PHF8: variants seen among roughly 807,000 people sequenced by gnomAD.
The protein encoded by PHF8 is PHD finger protein 8.
In PHF8, 9 loss-of-function variants were observed where a neutral mutation model predicts 74.4. The observed-to-expected ratio is 0.12, with a 90% CI of 0.07 to 0.21. The LOEUF (loss-of-function observed/expected upper bound fraction) is 0.21. Ranked by LOEUF, PHF8 falls within the 10% of genes least tolerant of loss-of-function variation. The probability of loss-of-function intolerance (pLI) is 1.00; values close to 1 mark genes in which losing one functional copy is unlikely to be tolerated. For synonymous variants in PHF8, 311 were observed against 316.6 expected (o/e 0.98, Z 0.19); for missense variants, 478 against 816.6 (o/e 0.59, Z 5.05).
At chrX:54,015,646 C>T (rs782219356) in intron 6 of PHF8, among the ~76,000 whole-genome samples, 1 of 108,156 alleles carries the variant, frequency 9.2e-6, no homozygotes, top group Admixed American at 1.0e-4. Context: ...TAATACGTTA[C>T]CATTGAGGGA....
intron 14 of PHF8, among the ~76,000 whole-genome samples, chrX:53,992,494 G>T (rs1250996879): frequency 8.9e-5 from 10 of 111,782 alleles, no homozygotes; most frequent in African/African-American, 2.9e-4. Context: ...GAAGTTTCTA[G>T]AACTGATAAA....
chrX:54,009,844 G>GA lies in PHF8; in HGVS notation c.946+1277dup, dbSNP rs782363250. Among the ~76,000 whole-genome samples the GA allele has an allele frequency of 9.1e-3, 85 of 9,384 alleles. 31 individuals are homozygous for GA. Among genetic ancestry groups the GA allele is most frequent in the Admixed American group, 0.028 (10 of 358 alleles). 8.1% of individuals were successfully genotyped at this position (9,384 alleles called of 115,157 possible). ...GGTGACAGAGTGAGACTCTGTCTCA[G>GA]AAAAAAAAAAAAAAAAAAAAAAAAA... is the stretch of plus-strand genomic sequence containing the variant. On this transcript the variant is annotated intron_variant, in intron 8 of 21. Transcript: ENST00000338154.
chrX:53,939,433 C>T (rs1266469930), intron 21 of PHF8, among the ~76,000 whole-genome samples, 187 bp from the exon 22 acceptor site: 2 of 111,620 alleles, frequency 1.8e-5, no homozygotes, highest in African/African-American at 6.5e-5. Flanking sequence ...TTTGACTCTT[C>T]CTCCTATGAC....
At chrX:54,032,826 A>C (rs1557112954) in intron 2 of PHF8, among the ~76,000 whole-genome samples, 1 of 110,262 alleles carries the variant, frequency 9.1e-6, no homozygotes, top group East Asian at 2.9e-4. Context: ...TGTATTCTAC[A>C]GTGAAAGTAG....
chrX:53,998,509 A>C (rs1181160116), intron 11 of PHF8, among the ~76,000 whole-genome samples: 11 of 111,041 alleles, frequency 9.9e-5, no homozygotes, highest in Admixed American at 6.7e-4. Context: ...GAAAAGCTTC[A>C]TTCCTACCCT....
chrX:53,938,164 C>T lies in PHF8; in HGVS notation c.*994G>A, dbSNP rs2064695161. On this transcript the variant is annotated 3_prime_UTR_variant, in exon 22 of 22. Transcript: ENST00000338154. ...CATGAAAAGTTCCCGATGGAGGACC[C>T]AGGTGTGGGCCGTCCCGCCACACCC... 2 of 1,107,620 alleles carry T rather than the reference C, an allele frequency of 1.8e-6. No individual in the cohort carries two copies. The highest frequency in any genetic ancestry group is 2.9e-5 in the Admixed American group (1 of 34,015). The allele number at this position is 1,107,620 out of a possible 1,213,427, so 91.3% of individuals were successfully genotyped here.
Position 53,984,429 on chromosome X carries a change from G to C in PHF8, c.2443+485C>G, listed in dbSNP as rs782648620. Among the ~76,000 whole-genome samples the C allele has an allele frequency of 1.6e-4, 18 of 111,750 alleles. No individual in the cohort carries two copies. The Middle Eastern group carries it at 0.023, about 143-fold the overall frequency. ...TTATACAGTCACCTGTATTACACAA[G>C]AGTGCCTGATACACTGTGGTACTCA... On this transcript the variant is annotated intron_variant, in intron 18 of 21. Transcript: ENST00000338154.
chrX:54,013,220 T>A (rs1269676290), intron 7 of PHF8, among the ~76,000 whole-genome samples: 1 of 111,945 alleles, frequency 8.9e-6, no homozygotes, highest in Non-Finnish European at 1.9e-5. Context: ...CAAAAATCCT[T>A]CATAGTCACT....
chrX:53,999,200 C>T (rs781799167), intron 11 of PHF8, among the ~76,000 whole-genome samples: 1 of 111,674 alleles, frequency 9.0e-6, no homozygotes, highest in East Asian at 2.8e-4. Flanking sequence ...CCACCCGGGA[C>T]AGCAAGACCA....
At chrX:53,952,901 A>T (rs1161441020) in intron 19 of PHF8, among the ~76,000 whole-genome samples, 1 of 108,901 alleles carries the variant, frequency 9.2e-6, no homozygotes. Flanking sequence ...AAAAAAAAAA[A>T]AAGAAAGAAA....
intron 2 of PHF8, among the ~76,000 whole-genome samples, chrX:54,036,102 C>CAAAAAAAAAAAA (rs1159910510): frequency 4.2e-4 from 11 of 26,059 alleles, no homozygotes; most frequent in Non-Finnish European, 5.4e-4. Flanking sequence ...AACTCCATCT[C>CAAAAAAAAAAAA]AAAAAAAAAA....
At chrX:54,008,371 C>CA (rs34539175) in intron 8 of PHF8, among the ~76,000 whole-genome samples, 12,725 of 36,063 alleles carry the variant, frequency 0.35, 2,198 homozygotes, top group Non-Finnish European at 0.42. Flanking sequence ...AATACTCCGT[C>CA]AAAAAAAAAA....
In PHF8 at chrX:54,000,004, C is replaced by A. The variant is rs371723726; in HGVS notation, c.1142-43G>T. On this transcript the variant is annotated intron_variant, in intron 10 of 21. Coordinates refer to ENST00000338154, the MANE Select transcript of PHF8 (RefSeq NM_015107.3). Reference sequence around the variant, plus strand: ...AAAGCAGAGTGTCAACAAAGCCATGCAGGAAAGTGAAGGACTTGGGACTTT... The same window carrying A: ...AAAGCAGAGTGTCAACAAAGCCATGAAGGAAAGTGAAGGACTTGGGACTTT... 36 of 882,533 alleles carry A rather than the reference C, an allele frequency of 4.1e-5. No homozygotes were observed. In the African/African-American group the frequency reaches 4.5e-4, roughly 11 times the overall value. 72.7% of individuals were successfully genotyped at this position (882,533 alleles called of 1,213,427 possible).
chrX:53,987,314 G>T, intron 15 of PHF8, 151 bp from the exon 16 acceptor site: 1 of 465,583 alleles, frequency 2.1e-6, no homozygotes, highest in Admixed American at 3.4e-5. Context: ...TAAATCTTTA[G>T]AACAAAGGAA....
At chrX:53,964,758 TCAGGAGGCTGACG>T (rs1557091955) in intron 18 of PHF8, among the ~76,000 whole-genome samples, 3 of 107,067 alleles carry the variant, frequency 2.8e-5, no homozygotes, top group African/African-American at 1.0e-4. Context: ...TCCCAGCTAC[TCAGGAGGCTGACG>T]CAGGAGAATC....
chrX:53,960,985 A>C (rs1432462162), intron 19 of PHF8, among the ~76,000 whole-genome samples: 3 of 110,570 alleles, frequency 2.7e-5, no homozygotes, highest in African/African-American at 9.8e-5. Context: ...ATAAACCTGG[A>C]AATGATAGAA....
chrX:54,005,621 T>A (rs1375582513), intron 8 of PHF8, among the ~76,000 whole-genome samples: 8 of 87,181 alleles, frequency 9.2e-5, no homozygotes, highest in Non-Finnish European at 1.1e-4. Flanking sequence ...TGCAGAAAAC[T>A]TAAAAAAAAA....
intron 12 of PHF8, chrX:53,995,207 T>C: frequency 2.9e-6 from 1 of 342,053 alleles, no homozygotes; most frequent in Non-Finnish European, 5.9e-6. Context: ...CCGAGAGAAC[T>C]GTCATTTTGC....
intron 18 of PHF8, among the ~76,000 whole-genome samples, chrX:53,969,553 C>T (rs934051442): frequency 1.7e-4 from 19 of 111,793 alleles, no homozygotes; most frequent in African/African-American, 5.9e-4. Flanking sequence ...TACCCAAAAA[C>T]GATCTATAGA....
Sources: gnomAD v4.1 joint callset for allele counts (sites outside exome capture counted in the v4.1 genomes callset) on GRCh38, gnomAD v4.1.1 for gene constraint, MANE v1.5 for transcripts, NCBI Gene and HGNC (gene_info 2026-07-23, HGNC 2026-07-21) for gene names.